RARB: variants seen among roughly 807,000 people sequenced by gnomAD.
The protein encoded by RARB is retinoic acid receptor beta, also known as HBV-activated protein.
RARB carries 17 observed loss-of-function variants against 51.9 expected under a neutral mutation model. The observed-to-expected ratio is 0.33, with a 90% CI of 0.22 to 0.49. The LOEUF is 0.49. RARB is among the 20% of genes least tolerant of loss of function. The pLI is 0.99. For missense variants in RARB, 369 were observed against 550.8 expected, an observed-to-expected ratio of 0.67 and a Z score of 3.30; for synonymous variants, 215 against 195.4, an observed-to-expected ratio of 1.10 and a Z score of -0.84.
chr3:25,535,003 C>T (rs1396078439), intron 3 of RARB, among the ~76,000 whole-genome samples: 1 of 152,114 alleles, frequency 6.6e-6, no homozygotes, highest in East Asian at 1.9e-4. Context: ...GTAGGAGAAG[C>T]AAAATGGAGC....
At chr3:25,141,142 T>C (rs1700100827) in intron 4 of RARB, among the ~76,000 whole-genome samples, 1 of 152,096 alleles carries the variant, frequency 6.6e-6, no homozygotes, top group Admixed American at 6.6e-5. Flanking sequence ...TTTTGTCATA[T>C]CCCTTATAAA....
chr3:25,179,627 C>G (rs1354588992), intron 5 of RARB, among the ~76,000 whole-genome samples: 1 of 152,118 alleles, frequency 6.6e-6, no homozygotes, highest in Non-Finnish European at 1.5e-5. Context: ...TTTTACCTCC[C>G]TCATTGGCTT....
At chr3:25,258,491 A>G (rs1016335933) in intron 5 of RARB, among the ~76,000 whole-genome samples, 2 of 152,092 alleles carry the variant, frequency 1.3e-5, no homozygotes, top group Admixed American at 1.3e-4. Context: ...AAGGGTAAAG[A>G]ATTAGTCAAC....
intron 5 of RARB, among the ~76,000 whole-genome samples, chr3:25,194,515 A>T (rs1178027770): frequency 6.6e-6 from 1 of 150,538 alleles, no homozygotes; most frequent in East Asian, 1.9e-4. Context: ...TGATATATAT[A>T]TGTTGATATA....
In RARB at chr3:24,896,696, T is replaced by TA. The variant is rs923254216; in HGVS notation, c.-380+37951dup. 7.2e-5 allele frequency among the ~76,000 whole-genome samples: 11 copies of TA among 152,234 alleles called. No individual in the cohort carries two copies. In the East Asian group the frequency reaches 1.2e-3, roughly 16 times the overall value. ...TTTTGTGTTGTATATTTTGATACAA[T>TA]AAAAAAACTGTCAAGAATATTGCAC... On this transcript the variant is annotated intron_variant, in intron 2 of 11. Transcript: ENST00000383772.
At chr3:25,424,307 G>T (rs1226730140), upstream of RARB, among the ~76,000 whole-genome samples, 1 of 152,202 alleles carries the variant, frequency 6.6e-6, no homozygotes, top group Non-Finnish European at 1.5e-5. Context: ...TATGTGAGCA[G>T]GTGTTCATAC....
intron 2 of RARB, among the ~76,000 whole-genome samples, chr3:24,895,753 T>C (rs1703465611): frequency 6.6e-6 from 1 of 152,074 alleles, no homozygotes; most frequent in Admixed American, 6.6e-5. Flanking sequence ...GAAATAATAA[T>C]CTTTGTGCAT....
chr3:25,288,891 C>T (rs1401949741), intron 5 of RARB, among the ~76,000 whole-genome samples: 1 of 152,138 alleles, frequency 6.6e-6, no homozygotes, highest in African/African-American at 2.4e-5. Flanking sequence ...ATGCAAGTTT[C>T]AACCAACAAC....
intron 5 of RARB, among the ~76,000 whole-genome samples, chr3:25,416,004 C>G (rs148204235): frequency 6.3e-4 from 96 of 152,220 alleles, no homozygotes; most frequent in African/African-American, 2.2e-3. Flanking sequence ...ATGGACATGA[C>G]CTAGAGTCCT....
intron 5 of RARB, among the ~76,000 whole-genome samples, chr3:25,207,401 T>C (rs942294137): frequency 3.9e-5 from 6 of 152,224 alleles, no homozygotes; most frequent in African/African-American, 1.4e-4. Flanking sequence ...ACAGCTTGTT[T>C]GGGACATGTA....
intron 5 of RARB, among the ~76,000 whole-genome samples, chr3:25,240,042 G>C (rs1312300253): frequency 6.9e-6 from 1 of 143,916 alleles, no homozygotes; most frequent in Non-Finnish European, 1.5e-5. Context: ...GTTGGTGTTT[G>C]TTTGTTTTTT....
rs559135603 is a variant in RARB at position 25,516,631 on chromosome 3, C to CTTTTTTTTTT, written c.448+15312_448+15321dup. ...CAAAGGTTCATCTTTATTTCCTTGT[C>CTTTTTTTTTT]TTTTTTTTTTTTTGAGACAGGGTCA... On this transcript the variant is annotated intron_variant, in intron 3 of 7. Transcript: ENST00000330688. Among the ~76,000 whole-genome samples the CTTTTTTTTTT allele has an allele frequency of 1.1e-4, 14 of 131,702 alleles. 1 individual carries two copies. Among genetic ancestry groups the CTTTTTTTTTT allele is most frequent in the African/African-American group, 3.9e-4 (12 of 30,472 alleles). The allele number at this position is 131,702 out of a possible 152,430, so 86.4% of individuals were successfully genotyped here. A position where few individuals can be genotyped will look rare whatever the true frequency, so the allele number is the denominator to read the frequency against.
At chr3:25,074,683 T>C (rs1207640965) in intron 3 of RARB, among the ~76,000 whole-genome samples, 1 of 152,200 alleles carries the variant, frequency 6.6e-6, no homozygotes, top group Non-Finnish European at 1.5e-5. Context: ...ATCAAAGACT[T>C]ACTACTTACT....
At chr3:24,904,418 T>C (rs1203882456) in intron 2 of RARB, among the ~76,000 whole-genome samples, 1 of 152,078 alleles carries the variant, frequency 6.6e-6, no homozygotes, top group Non-Finnish European at 1.5e-5. Context: ...AAAAAGCTCA[T>C]CATCACTGGT....
At chr3:24,926,557 G>C (rs984172029) in intron 2 of RARB, among the ~76,000 whole-genome samples, 1 of 152,024 alleles carries the variant, frequency 6.6e-6, no homozygotes, top group African/African-American at 2.4e-5. Flanking sequence ...TTATGCTATA[G>C]CTGTTAAACA....
chr3:25,206,238 G>A (rs1338099806), intron 5 of RARB, among the ~76,000 whole-genome samples: 2 of 152,156 alleles, frequency 1.3e-5, no homozygotes, highest in African/African-American at 4.8e-5. Flanking sequence ...TGCCCATGCA[G>A]TTTAAAACAG....
intron 2 of RARB, among the ~76,000 whole-genome samples, chr3:25,471,589 A>C (rs1575436112): frequency 7.3e-6 from 1 of 136,154 alleles, no homozygotes; most frequent in East Asian, 2.0e-4. Flanking sequence ...TTAGCCCGCA[A>C]CTCTGCGTGT....
chr3:25,340,846 A>C (rs1254622118), intron 5 of RARB, among the ~76,000 whole-genome samples: 2 of 152,236 alleles, frequency 1.3e-5, no homozygotes, highest in Non-Finnish European at 2.9e-5. Flanking sequence ...CAATTTATTC[A>C]GCAAATAATT....
chr3:25,336,759 C>G (rs986338588), intron 5 of RARB, among the ~76,000 whole-genome samples: 1 of 152,058 alleles, frequency 6.6e-6, no homozygotes, highest in Non-Finnish European at 1.5e-5. Context: ...TTAATGTGGC[C>G]AAGCAATACC....
Sources: allele counts gnomAD v4.1 joint callset (sites outside exome capture counted in the v4.1 genomes callset), GRCh38; gene constraint gnomAD v4.1.1; transcripts MANE v1.5; gene names NCBI Gene and HGNC (gene_info 2026-07-23, HGNC 2026-07-21).